Variants in RPGR observed in about 807,000 individuals in gnomAD.
The protein encoded by RPGR is retinitis pigmentosa GTPase regulator, also known as X-linked retinitis pigmentosa GTPase regulator.
Under a neutral mutation model 56.3 loss-of-function variants are expected in RPGR, and 10 were observed. The ratio of observed to expected loss-of-function variants is 0.18; its 90% CI spans 0.11 to 0.30. RPGR has a LOEUF of 0.30. RPGR is among the 10% of genes least tolerant of loss of function. RPGR has a pLI of 1.00. For synonymous variants in RPGR, 197 were observed against 212.9 expected (o/e 0.93, Z 0.65); for missense variants, 538 against 590.9 (o/e 0.91, Z 0.93).
chrX:38,300,325 AAATC>A (rs2067480114), intron 9 of RPGR, among the ~76,000 whole-genome samples: 1 of 111,814 alleles, frequency 8.9e-6, no homozygotes, highest in African/African-American at 3.3e-5. Context: ...TCAAATCAAT[AAATC>A]AAAGTGTTCC....
At chrX:38,318,426 C>T (rs1016394135) in intron 5 of RPGR, among the ~76,000 whole-genome samples, 1 of 110,346 alleles carries the variant, frequency 9.1e-6, no homozygotes, top group South Asian at 3.9e-4. Flanking sequence ...GTACAATGAC[C>T]GTTGCAAACC....
chrX:38,274,317 C>T (rs997987098), intron 17 of RPGR, among the ~76,000 whole-genome samples: 4 of 111,458 alleles, frequency 3.6e-5, no homozygotes, highest in South Asian at 3.8e-4. Context: ...TCAGTATCTA[C>T]GGTAAGACAC....
At chrX:38,288,368 A>C (rs150469246) in intron 13 of RPGR, among the ~76,000 whole-genome samples, 1,260 of 112,131 alleles carry the variant, frequency 0.011, 17 homozygotes, top group African/African-American at 0.038. Context: ...ATCAATCCTT[A>C]CATAAAACTT....
chrX:38,295,585 T>C (rs1355702145), intron 11 of RPGR, among the ~76,000 whole-genome samples: 2 of 112,204 alleles, frequency 1.8e-5, no homozygotes, highest in Non-Finnish European at 3.8e-5. Context: ...TTTTTCCATG[T>C]CCAGGGCTGA....
In RPGR at chrX:38,283,748, CT is replaced by C. The variant is rs757932418; in HGVS notation, c.1905+3345del. Among the ~76,000 whole-genome samples the C allele has an allele frequency of 5.4e-5, 6 of 112,020 alleles. No homozygotes were observed. The East Asian group carries it at 1.1e-3, about 21-fold the overall frequency. ...TGTTTCTGTATTACTGGCTGATTAT[CT>C]CTTCAGTAGAAGATGAATGCTCATA... On this transcript the variant is annotated intron_variant, in intron 15 of 18. Transcript: ENST00000642395.
rs892594567 is a variant in RPGR at position 38,285,827 on chromosome X, T to C, written c.1905+1267A>G. 3 of 1,208,271 alleles carry C rather than the reference T, an allele frequency of 2.5e-6. No individual in the cohort carries two copies. Among genetic ancestry groups the C allele is most frequent in the African/African-American group, 1.8e-5 (1 of 56,864 alleles). On this transcript the variant is annotated intron_variant, in intron 15 of 18. Coordinates refer to ENST00000642395, the MANE Select transcript of RPGR (RefSeq NM_000328.3). ...TCTTCTTCCTCCTCCTCTTCTCTGTTCCTCCTGTTTTCTTCTCCTTCCCCC... is the reference window on the plus strand; with the variant it reads ...TCTTCTTCCTCCTCCTCTTCTCTGTCCCTCCTGTTTTCTTCTCCTTCCCCC...
At position 38,310,732 on chromosome X, in the gene RPGR, T is replaced by C; in HGVS notation, c.661A>G (p.Lys221Glu). ...AGGAGCTGATTGGGAAGACCTAACTTCCCATTCTCAGGTTCTCCAAACACA... is the reference window on the plus strand; with the variant it reads ...AGGAGCTGATTGGGAAGACCTAACTCCCCATTCTCAGGTTCTCCAAACACA... The change falls in exon 7 of 19, where the codon AAG (lysine) becomes GAG (glutamate). Residue 221 changes from lysine to glutamate, a missense_variant. Lys to Glu is a moderately conservative substitution (Grantham distance 56). This residue lies in a region of RPGR where 181 missense variants were observed against 265.1 expected (regional missense o/e 0.68). Coordinates refer to ENST00000642395, the MANE Select transcript of RPGR (RefSeq NM_000328.3). The C allele has an allele frequency of 8.3e-7, 1 of 1,210,412 alleles. No individual in the cohort carries two copies. The highest frequency in any genetic ancestry group is 3.0e-5 in the East Asian group (1 of 33,795).
chrX:38,327,316 G>A (rs1460091430), intron 1 of RPGR, 24 bp downstream of exon 1: 1 of 1,177,484 alleles, frequency 8.5e-7, no homozygotes, highest in East Asian at 3.1e-5. Flanking sequence ...CCGGCCTTCC[G>A]CCACCGGCGC....
intron 18 of RPGR, chrX:38,269,866 T>G (rs760738140): frequency 9.9e-7 from 1 of 1,007,314 alleles, no homozygotes; most frequent in Non-Finnish European, 1.4e-6. Context: ...AATATTCATT[T>G]CCATAAGTGA....
intron 6 of RPGR, among the ~76,000 whole-genome samples, chrX:38,311,900 T>C (rs7066310): frequency 0.02 from 2,237 of 111,871 alleles, 48 homozygotes; most frequent in African/African-American, 0.069. Flanking sequence ...CCTGTGTGGT[T>C]TCCTAAGAGA....
Position 38,321,008 on chromosome X carries a change from T to C in RPGR, c.310+19A>G, listed in dbSNP as rs756184725. The C allele has an allele frequency of 2.6e-6, 3 of 1,164,867 alleles. No individual in the cohort carries two copies. The highest frequency in any genetic ancestry group is 3.5e-6 in the Non-Finnish European group (3 of 852,615). ...GTTCTCAAAGTCAGGCAGGAAATCATACAGGTTGAGCACTATACCTGTTGA... is the reference window on the plus strand; with the variant it reads ...GTTCTCAAAGTCAGGCAGGAAATCACACAGGTTGAGCACTATACCTGTTGA... On this transcript the variant is annotated intron_variant, in intron 4 of 18. Coordinates refer to ENST00000642395, the MANE Select transcript of RPGR (RefSeq NM_000328.3).
In RPGR at chrX:38,283,598, G is replaced by A. The variant is rs184655389; in HGVS notation, c.1905+3496C>T. Among the ~76,000 whole-genome samples the A allele has an allele frequency of 2.9e-3, 321 of 112,169 alleles. 1 individual carries two copies. The highest frequency in any genetic ancestry group is 9.9e-3 in the African/African-American group (306 of 30,960). ...CCAGTGTTCTCCACTAGAAAACAAT[G>A]CTTGCATGAACTACCACTTCTAAAG... On this transcript the variant is annotated intron_variant, in intron 15 of 18. Coordinates refer to ENST00000642395, the MANE Select transcript of RPGR (RefSeq NM_000328.3).
chrX:38,309,691 G>A (rs1402225150), intron 7 of RPGR, among the ~76,000 whole-genome samples: 2 of 111,443 alleles, frequency 1.8e-5, no homozygotes. Context: ...AGCTGGGCAT[G>A]GTAGTGGGCA....
At chrX:38,271,350 A>T (rs1159462709) in intron 18 of RPGR, among the ~76,000 whole-genome samples, 1 of 112,194 alleles carries the variant, frequency 8.9e-6, no homozygotes, top group Non-Finnish European at 1.9e-5. Context: ...CTGATTAAGT[A>T]TAAAAAATAT....
In RPGR at chrX:38,286,784, C is replaced by T. The variant is rs1459539276; in HGVS notation, c.1905+310G>A. 9 of 1,160,663 alleles carry T rather than the reference C, an allele frequency of 7.8e-6. No homozygotes were observed. In the East Asian group the frequency reaches 9.8e-5, roughly 13 times the overall value. On this transcript the variant is annotated intron_variant, in intron 15 of 18. Coordinates refer to ENST00000642395, the MANE Select transcript of RPGR (RefSeq NM_000328.3). ...TCTTCTCTGTCTCCCTCCTCTTCTT[C>T]TCCTTCTCCATGCTCCTCCTCCCCT...
At chrX:38,277,920 C>CTTAATAGTAAACATTAGTAAACA (rs1241331957) in intron 15 of RPGR, among the ~76,000 whole-genome samples, 5 of 112,069 alleles carry the variant, frequency 4.5e-5, no homozygotes, top group African/African-American at 1.6e-4. Flanking sequence ...TACAGTACAC[C>CTTAATAGTAAACATTAGTAAACA]TTAATAGTAA....
intron 8 of RPGR, chrX:38,303,786 T>A (rs1601950528): frequency 3.4e-6 from 1 of 297,021 alleles, no homozygotes; most frequent in East Asian, 4.8e-5. Flanking sequence ...TGAGCAGTAG[T>A]TTTTTCAGGA....
chrX:38,326,972 G>A (rs1009196103), intron 1 of RPGR: 26 of 176,297 alleles, frequency 1.5e-4, no homozygotes, highest in African/African-American at 7.5e-4. Context: ...CAGGAGAATC[G>A]CCTGAACCCG....
chrX:38,326,048 C>T (rs1311849964), intron 1 of RPGR: 8 of 112,099 alleles, frequency 7.1e-5, no homozygotes, highest in African/African-American at 2.6e-4. Context: ...TGAGGCATCT[C>T]AGTTCCAACT....
Sources: allele counts gnomAD v4.1 joint callset (sites outside exome capture counted in the v4.1 genomes callset), GRCh38; gene constraint gnomAD v4.1.1; regional missense constraint gnomAD v4.1.1; transcripts MANE v1.5; gene names NCBI Gene and HGNC (gene_info 2026-07-23, HGNC 2026-07-21).